The following NBEA variants were observed in gnomAD, a reference collection of about 807,000 sequenced individuals.
NBEA encodes lysosomal-trafficking regulator 2.
In NBEA, 44 loss-of-function variants were observed where a neutral mutation model predicts 343.4. The observed-to-expected ratio is 0.13, with a 90% CI of 0.10 to 0.16. The LOEUF (loss-of-function observed/expected upper bound fraction) is 0.16, where lower values mean the gene tolerates loss of function less well. Among genes scored for constraint, NBEA ranks in the 10% least tolerant of loss-of-function variants. The pLI, the probability that NBEA is intolerant of heterozygous loss-of-function variation, is 1.00. For missense variants in NBEA, 2,555 were observed against 3,631.3 expected (o/e 0.70, Z 7.62); for synonymous variants, 1,175 against 1,238.7 (o/e 0.95, Z 1.08).
chr13:35,025,706 C>CACTAGTCTCACTTGTCTCTCTT (rs1433346606), intron 1 of NBEA, among the ~76,000 whole-genome samples: 1 of 152,082 alleles, frequency 6.6e-6, no homozygotes, highest in East Asian at 1.9e-4. Flanking sequence ...TTTTATCTCT[C>CACTAGTCTCACTTGTCTCTCTT]ACTAGTCTCA....
intron 28 of NBEA, among the ~76,000 whole-genome samples, chr13:35,180,334 G>C (rs1228445649): frequency 6.6e-6 from 1 of 151,714 alleles, no homozygotes. Context: ...ATATACTCTA[G>C]TATATTAGAG....
At chr13:35,290,776 G>A (rs1001087553) in intron 35 of NBEA, among the ~76,000 whole-genome samples, 3 of 150,728 alleles carry the variant, frequency 2.0e-5, no homozygotes, top group Non-Finnish European at 4.4e-5. Flanking sequence ...ATTTTTAAAT[G>A]TATTATTAAT....
At chr13:35,474,874 C>G in intron 41 of NBEA, 1 of 709,946 alleles carries the variant, frequency 1.4e-6, no homozygotes, top group South Asian at 2.1e-5. Context: ...TCTCCATCCG[C>G]TTCCCCTACT....
intron 36 of NBEA, among the ~76,000 whole-genome samples, chr13:35,332,317 G>A (rs1482280393): frequency 6.6e-6 from 1 of 152,016 alleles, no homozygotes; most frequent in Non-Finnish European, 1.5e-5. Flanking sequence ...CGTGGCAGGG[G>A]TTATAAGAAG....
At chr13:34,963,511 A>G (rs981442463) in intron 1 of NBEA, among the ~76,000 whole-genome samples, 1 of 152,046 alleles carries the variant, frequency 6.6e-6, no homozygotes, top group African/African-American at 2.4e-5. Flanking sequence ...TTGGGGGGAT[A>G]CAGTGCAGCC....
intron 38 of NBEA, among the ~76,000 whole-genome samples, chr13:35,363,496 C>T (rs73494525): frequency 0.012 from 1,822 of 151,906 alleles, 45 homozygotes; most frequent in African/African-American, 0.042. Flanking sequence ...CTTCAATTTC[C>T]TCACCCCAAA....
chr13:35,237,312 T>G (rs953845255), intron 34 of NBEA, among the ~76,000 whole-genome samples: 1 of 152,120 alleles, frequency 6.6e-6, no homozygotes, highest in Non-Finnish European at 1.5e-5. Context: ...CTCCTGGTAT[T>G]GATCAGTTCT....
chr13:35,386,439 T>G (rs2042246541), intron 38 of NBEA, among the ~76,000 whole-genome samples: 1 of 152,186 alleles, frequency 6.6e-6, no homozygotes, highest in African/African-American at 2.4e-5. Flanking sequence ...AATGCCACTT[T>G]TAGCTGTTAG....
chr13:35,404,431 G>C (rs368234913), intron 38 of NBEA, among the ~76,000 whole-genome samples: 1 of 151,106 alleles, frequency 6.6e-6, no homozygotes, highest in East Asian at 1.9e-4. Flanking sequence ...CCATAAAAAA[G>C]GATGAGTTCA....
At chr13:35,263,644 A>G (rs891614047) in intron 34 of NBEA, among the ~76,000 whole-genome samples, 4 of 152,140 alleles carry the variant, frequency 2.6e-5, no homozygotes, top group Non-Finnish European at 5.9e-5. Context: ...AAAAATCACA[A>G]ATACATGGAA....
At chr13:35,437,202 C>A (rs2152934263) in intron 39 of NBEA, among the ~76,000 whole-genome samples, 1 of 152,134 alleles carries the variant, frequency 6.6e-6, no homozygotes. Flanking sequence ...TGGGAAGGAA[C>A]ATTTAGCCAT....
intron 36 of NBEA, among the ~76,000 whole-genome samples, chr13:35,339,317 A>G (rs2039450055): frequency 6.6e-6 from 1 of 152,126 alleles, no homozygotes; most frequent in African/African-American, 2.4e-5. Flanking sequence ...ATGGCAGGAT[A>G]TGAGACCAAT....
intron 39 of NBEA, among the ~76,000 whole-genome samples, chr13:35,438,835 A>T (rs1806357527): frequency 1.3e-5 from 2 of 152,198 alleles, no homozygotes; most frequent in African/African-American, 4.8e-5. Context: ...TATAAAGGCT[A>T]AGTTACAAAA....
At chr13:35,654,194 G>C (rs7997679) in intron 53 of NBEA, among the ~76,000 whole-genome samples, 2 of 152,156 alleles carry the variant, frequency 1.3e-5, no homozygotes, top group South Asian at 4.1e-4. Context: ...ACTTTATTCA[G>C]ATTCAATCCC....
intron 40 of NBEA, among the ~76,000 whole-genome samples, chr13:35,461,694 C>T (rs1449141986): frequency 6.6e-6 from 1 of 152,142 alleles, no homozygotes; most frequent in Non-Finnish European, 1.5e-5. Flanking sequence ...TAAGAGTGTC[C>T]TGGTCCTCTC....
At chr13:35,186,037 T>G (rs2071679680) in intron 30 of NBEA, 1 of 152,066 alleles carries the variant, frequency 6.6e-6, no homozygotes, top group Admixed American at 6.6e-5. Flanking sequence ...AGCTCGGTGG[T>G]GCATGCCTAT....
intron 13 of NBEA, 37 bp downstream of exon 13, chr13:35,111,015 A>G (rs367847058): frequency 3.5e-5 from 54 of 1,523,732 alleles, no homozygotes; most frequent in Admixed American, 5.3e-5. Flanking sequence ...ACATTTGCCT[A>G]TGATTATTCT....
chr13:35,001,625 T>A (rs2061143287), intron 1 of NBEA, among the ~76,000 whole-genome samples: 1 of 151,928 alleles, frequency 6.6e-6, no homozygotes, highest in Admixed American at 6.6e-5. Context: ...AAAAAGTTGA[T>A]CTCATGGTAG....
intron 34 of NBEA, among the ~76,000 whole-genome samples, chr13:35,267,839 A>G (rs1395601875): frequency 5.4e-5 from 8 of 147,606 alleles, no homozygotes; most frequent in South Asian, 2.1e-4. Context: ...AAAAAAAAAA[A>G]AAGAAGAAGA....
Sources: gnomAD v4.1 joint callset for allele counts (sites outside exome capture counted in the v4.1 genomes callset) on GRCh38, gnomAD v4.1.1 for gene constraint, MANE v1.5 for transcripts, NCBI Gene and HGNC (gene_info 2026-07-23, HGNC 2026-07-21) for gene names.